BAZ2B: variants seen among roughly 807,000 people sequenced by gnomAD.
The protein encoded by BAZ2B is bromodomain adjacent to zinc finger domain 2B.
BAZ2B carries 91 observed loss-of-function variants against 246.0 expected under a neutral mutation model. That is an observed-to-expected ratio of 0.37 (90% CI 0.31 to 0.44). BAZ2B has a LOEUF of 0.44. BAZ2B is among the 20% of genes least tolerant of loss of function. The pLI is 1.00. For synonymous variants in BAZ2B, 855 were observed against 860.0 expected (o/e 0.99, Z 0.10); for missense variants, 2,332 against 2,533.7 (o/e 0.92, Z 1.71).
At chr2:159,532,432 T>G (rs960540994) in intron 2 of BAZ2B, among the ~76,000 whole-genome samples, 7 of 152,150 alleles carry the variant, frequency 4.6e-5, no homozygotes, top group African/African-American at 1.7e-4. Flanking sequence ...TAAGGCCTAT[T>G]ATGTGCAAAA....
intron 2 of BAZ2B, among the ~76,000 whole-genome samples, chr2:159,516,920 T>C (rs1333179681): frequency 6.6e-6 from 1 of 152,060 alleles, no homozygotes; most frequent in Non-Finnish European, 1.5e-5. Context: ...AGATAAACTA[T>C]AAAAACAAAG....
intron 2 of BAZ2B, among the ~76,000 whole-genome samples, chr2:159,519,670 C>CTTTTTTTTTT (rs1156978730): frequency 2.0e-5 from 2 of 98,272 alleles, no homozygotes; most frequent in Non-Finnish European, 4.2e-5. Flanking sequence ...GACCTTTCTT[C>CTTTTTTTTTT]TTTTTTTTTT....
At chr2:159,546,137 G>C (rs1295579048) in intron 2 of BAZ2B, among the ~76,000 whole-genome samples, 1 of 152,082 alleles carries the variant, frequency 6.6e-6, no homozygotes, top group Non-Finnish European at 1.5e-5. Context: ...CTATAGTCTA[G>C]TGATATGGTT....
rs1437031135 is a variant in BAZ2B at position 159,574,132 on chromosome 2, C to CACACAT, written c.-45-18268_-45-18267insATGTGT. Among the ~76,000 whole-genome samples, 255 of 111,110 alleles carry CACACAT rather than the reference C, an allele frequency of 2.3e-3. 2 individuals carry two copies. The highest frequency in any genetic ancestry group is 3.9e-3 in the Middle Eastern group (1 of 256). The allele number at this position is 111,110 out of a possible 152,430, so 72.9% of individuals were successfully genotyped here. A position where few individuals can be genotyped will look rare whatever the true frequency, so the allele number is the denominator to read the frequency against. Reference sequence around the variant, plus strand: ...GGAGAGACTGACAGACACACACACACACACACACATACACACACACACACA... The same window carrying CACACAT: ...GGAGAGACTGACAGACACACACACACACACATACACACACATACACACACACACACA... On this transcript the variant is annotated intron_variant, in intron 1 of 36. Coordinates refer to ENST00000392783, the MANE Select transcript of BAZ2B (RefSeq NM_013450.4).
At chr2:159,317,085 C>G (rs1575537072), downstream of BAZ2B, among the ~76,000 whole-genome samples, 1 of 152,158 alleles carries the variant, frequency 6.6e-6, no homozygotes, top group Admixed American at 6.5e-5. Context: ...TAGGAAGACA[C>G]AAACCTCTTT....
the BAZ2B span, chr2:159,693,485 G>A: frequency 6.9e-6 from 1 of 145,046 alleles, no homozygotes; most frequent in Non-Finnish European, 1.5e-5. Context: ...GCGCAATGGT[G>A]AGATCATGGC....
At chr2:159,695,764 AT>A in the BAZ2B span, among the ~76,000 whole-genome samples, 1 of 150,848 alleles carries the variant, frequency 6.6e-6, no homozygotes. Context: ...TTTTATTTTT[AT>A]TTTTTTTGAG....
intron 1 of BAZ2B, among the ~76,000 whole-genome samples, chr2:159,559,316 C>G (rs1236166413): frequency 1.3e-5 from 2 of 151,858 alleles, no homozygotes; most frequent in Non-Finnish European, 2.9e-5. Flanking sequence ...TTTCAAGGAC[C>G]TACCTGCCTA....
chr2:159,339,328 A>G (rs914025059), intron 31 of BAZ2B, among the ~76,000 whole-genome samples: 3 of 152,130 alleles, frequency 2.0e-5, no homozygotes, highest in Non-Finnish European at 2.9e-5. Flanking sequence ...GGCAAGAGAG[A>G]AGTGAAAAAA....
chr2:159,466,402 A>G (rs2077054321), intron 3 of BAZ2B, among the ~76,000 whole-genome samples: 1 of 152,184 alleles, frequency 6.6e-6, no homozygotes, highest in Non-Finnish European at 1.5e-5. Flanking sequence ...GTTTCTTATT[A>G]TTATATATTT....
At chr2:159,621,930 C>A in the BAZ2B span, among the ~76,000 whole-genome samples, 14 of 152,030 alleles carry the variant, frequency 9.2e-5, no homozygotes, top group Non-Finnish European at 1.8e-4. Context: ...CATGGAGAAA[C>A]CCCCATCTCT....
chr2:159,604,109 T>C (rs1185312283), intron 1 of BAZ2B, among the ~76,000 whole-genome samples: 6 of 152,158 alleles, frequency 3.9e-5, no homozygotes, highest in Non-Finnish European at 5.9e-5. Context: ...ACAATGAATA[T>C]GATTAACTGT....
At chr2:159,601,195 A>G (rs1692048485) in intron 1 of BAZ2B, among the ~76,000 whole-genome samples, 1 of 152,192 alleles carries the variant, frequency 6.6e-6, no homozygotes, top group Non-Finnish European at 1.5e-5. Context: ...AAAATGATCA[A>G]CATCTATACC....
At chr2:159,571,596 G>A (rs1431950474) in intron 1 of BAZ2B, among the ~76,000 whole-genome samples, 1 of 152,176 alleles carries the variant, frequency 6.6e-6, no homozygotes, top group Non-Finnish European at 1.5e-5. Context: ...GGGGAAAGGG[G>A]CTGAACACTG....
chr2:159,532,070 T>C (rs1021835772), intron 2 of BAZ2B, among the ~76,000 whole-genome samples: 1 of 152,160 alleles, frequency 6.6e-6, no homozygotes, highest in Non-Finnish European at 1.5e-5. Context: ...TGTATTTCCA[T>C]TTAACAATCT....
intron 2 of BAZ2B, among the ~76,000 whole-genome samples, chr2:159,480,585 C>T (rs1441625525): frequency 6.6e-6 from 1 of 151,136 alleles, no homozygotes. Context: ...TGCGCGTGCA[C>T]ACACACACAC....
chr2:159,466,654 T>A (rs1371825087), intron 3 of BAZ2B, among the ~76,000 whole-genome samples: 1 of 152,182 alleles, frequency 6.6e-6, no homozygotes, highest in Non-Finnish European at 1.5e-5. Context: ...TAATTTATTA[T>A]ATATGATTTA....
intron 2 of BAZ2B, among the ~76,000 whole-genome samples, chr2:159,501,529 A>G (rs1280311134): frequency 6.6e-6 from 1 of 151,938 alleles, no homozygotes; most frequent in Non-Finnish European, 1.5e-5. Flanking sequence ...AAAGTAAAAC[A>G]AAGTACAAAC....
chr2:159,477,354 C>T (rs1272753025), intron 3 of BAZ2B, among the ~76,000 whole-genome samples: 3 of 151,566 alleles, frequency 2.0e-5, no homozygotes, highest in Non-Finnish European at 4.4e-5. Context: ...TATATACATA[C>T]ATATATACAC....
Sources: gnomAD v4.1 joint callset for allele counts (sites outside exome capture counted in the v4.1 genomes callset) on GRCh38, gnomAD v4.1.1 for gene constraint, MANE v1.5 for transcripts, NCBI Gene and HGNC (gene_info 2026-07-23, HGNC 2026-07-21) for gene names.